Variants in DMD observed in about 807,000 individuals in gnomAD.
DMD encodes mutant dystrophin.
DMD carries 63 observed loss-of-function variants against 330.1 expected under a neutral mutation model. That is an observed-to-expected ratio of 0.19 (90% CI 0.16 to 0.24). DMD has a LOEUF of 0.24. DMD is among the 10% of genes least tolerant of loss of function. The pLI is 1.00. For missense variants in DMD, 3,344 were observed against 2,684.1 expected (o/e 1.25, Z -5.43); for synonymous variants, 1,223 against 959.8 (o/e 1.27, Z -5.07).
intron 44 of DMD, among the ~76,000 whole-genome samples, chrX:32,196,986 C>CAAAAAAAAAAAAAAAAAAAA (rs71872245): frequency 6.0e-5 from 3 of 49,623 alleles, no homozygotes; most frequent in Non-Finnish European, 6.6e-5. Flanking sequence ...GACTCCATCT[C>CAAAAAAAAAAAAAAAAAAAA]AAAAAAAAAA....
At chrX:31,124,400 T>C (rs914774488) in intron 78 of DMD, among the ~76,000 whole-genome samples, 3 of 112,077 alleles carry the variant, frequency 2.7e-5, no homozygotes, top group African/African-American at 9.7e-5. Flanking sequence ...GGGGTAAGAC[T>C]GCACTGTGAC....
chrX:31,382,050 C>T (rs1333032946), intron 60 of DMD, among the ~76,000 whole-genome samples: 2 of 111,414 alleles, frequency 1.8e-5, no homozygotes, highest in African/African-American at 6.5e-5. Context: ...CTCGGTTTGG[C>T]CTTCCCACCT....
intron 15 of DMD, among the ~76,000 whole-genome samples, chrX:32,569,796 C>T (rs2052188216): frequency 9.0e-6 from 1 of 110,606 alleles, no homozygotes; most frequent in African/African-American, 3.3e-5. Context: ...CTTGGATCAC[C>T]CTGCTTCCCC....
intron 17 of DMD, among the ~76,000 whole-genome samples, chrX:32,541,408 G>T (rs1273643064): frequency 1.8e-5 from 2 of 111,589 alleles, no homozygotes; most frequent in Non-Finnish European, 3.8e-5. Context: ...TGCATTTATT[G>T]AATGTTTACC....
At chrX:32,280,144 GTATA>G (rs200390755) in intron 43 of DMD, among the ~76,000 whole-genome samples, 2,678 of 46,147 alleles carry the variant, frequency 0.058, 101 homozygotes, top group African/African-American at 0.18. Context: ...TATATATACA[GTATA>G]TATATATATA....
Position 32,394,900 on chromosome X carries a change from G to C in DMD, c.4234-4719C>G, listed in dbSNP as rs1425631743. Among the ~76,000 whole-genome samples, 4 of 17,693 alleles carry C rather than the reference G, an allele frequency of 2.3e-4. No homozygotes were observed. In the East Asian group the frequency reaches 0.01, roughly 46 times the overall value. 15.4% of individuals were successfully genotyped at this position (17,693 alleles called of 115,157 possible). On this transcript the variant is annotated intron_variant, in intron 30 of 78. Coordinates refer to ENST00000357033, the MANE Select transcript of DMD (RefSeq NM_004006.3). Reference sequence around the variant, plus strand: ...TTTATACCAGAGTGGTCAAAGAAGAGCAAAAAACAAAAAAACAAAAAAAAA... The same window carrying C: ...TTTATACCAGAGTGGTCAAAGAAGACCAAAAAACAAAAAAACAAAAAAAAA...
At chrX:31,459,373 A>C (rs1315877688) in intron 59 of DMD, among the ~76,000 whole-genome samples, 1 of 112,545 alleles carries the variant, frequency 8.9e-6, no homozygotes, top group East Asian at 2.8e-4. Context: ...TTCTAAAAAA[A>C]ACACATCAAT....
At chrX:32,527,952 C>A (rs142087168) in intron 17 of DMD, among the ~76,000 whole-genome samples, 1 of 111,437 alleles carries the variant, frequency 9.0e-6, no homozygotes, top group East Asian at 2.8e-4. Context: ...ATGTGTGATA[C>A]GTGTGTGTTT....
At chrX:32,520,959 T>C (rs1398714614) in intron 17 of DMD, among the ~76,000 whole-genome samples, 2 of 109,855 alleles carry the variant, frequency 1.8e-5, no homozygotes, top group African/African-American at 3.3e-5. Context: ...GATGATCTTG[T>C]TCCCTACCTT....
intron 60 of DMD, among the ~76,000 whole-genome samples, chrX:31,405,693 A>T (rs982571650): frequency 8.9e-6 from 1 of 111,971 alleles, no homozygotes; most frequent in African/African-American, 3.2e-5. Flanking sequence ...GTGAACAATC[A>T]GCAATAATAG....
intron 2 of DMD, among the ~76,000 whole-genome samples, chrX:32,880,143 A>G (rs1447942906): frequency 9.0e-6 from 1 of 110,899 alleles, no homozygotes; most frequent in East Asian, 2.8e-4. Flanking sequence ...ATTTTTTGCC[A>G]ATTGCCCATA....
chrX:32,146,041 G>A (rs2096776622), intron 44 of DMD, among the ~76,000 whole-genome samples: 4 of 111,431 alleles, frequency 3.6e-5, no homozygotes, highest in Non-Finnish European at 7.5e-5. Flanking sequence ...ACATGAAATT[G>A]CTTTGTAAGT....
At chrX:31,294,204 C>G (rs1244060148) in intron 62 of DMD, among the ~76,000 whole-genome samples, 1 of 111,819 alleles carries the variant, frequency 8.9e-6, no homozygotes, top group Admixed American at 9.4e-5. Flanking sequence ...GTCCCAGATT[C>G]TAGTCCATAG....
chrX:31,284,466 C>T (rs2052870483), intron 62 of DMD, among the ~76,000 whole-genome samples: 1 of 111,359 alleles, frequency 9.0e-6, no homozygotes, highest in Non-Finnish European at 1.9e-5. Context: ...ACTCATTTAT[C>T]AATTTGATAT....
intron 33 of DMD, among the ~76,000 whole-genome samples, chrX:32,382,090 T>C (rs1042105657): frequency 5.4e-5 from 6 of 111,536 alleles, no homozygotes; most frequent in African/African-American, 1.9e-4. Context: ...ATTCTCATTA[T>C]TTACCTTTAG....
At chrX:32,538,447 C>A (rs917246088) in intron 17 of DMD, among the ~76,000 whole-genome samples, 4 of 110,661 alleles carry the variant, frequency 3.6e-5, no homozygotes, top group Admixed American at 1.9e-4. Flanking sequence ...CCACTACCCA[C>A]CCAAATCCTA....
intron 41 of DMD, among the ~76,000 whole-genome samples, chrX:32,326,936 A>T (rs937321148): frequency 3.6e-5 from 4 of 109,796 alleles, no homozygotes; most frequent in African/African-American, 1.3e-4. Flanking sequence ...TTACCTAACT[A>T]TATGAATAAA....
At chrX:33,236,465 A>C (rs1371778368) in intron 1 of DMD, among the ~76,000 whole-genome samples, 1 of 108,445 alleles carries the variant, frequency 9.2e-6, no homozygotes, top group East Asian at 3.0e-4. Context: ...GGGTTTCACC[A>C]TGTTGGCCAG....
At chrX:31,179,408 A>G (rs2040916471) in intron 69 of DMD, among the ~76,000 whole-genome samples, 1 of 112,552 alleles carries the variant, frequency 8.9e-6, no homozygotes, top group South Asian at 3.7e-4. Flanking sequence ...TTTGATTTAG[A>G]GCATCAGGAG....
Sources: allele counts gnomAD v4.1 joint callset (sites outside exome capture counted in the v4.1 genomes callset), GRCh38; gene constraint gnomAD v4.1.1; transcripts MANE v1.5; gene names NCBI Gene and HGNC (gene_info 2026-07-23, HGNC 2026-07-21).